Variants in ITIH2 observed in about 807,000 individuals in gnomAD.
The protein encoded by ITIH2 is inter-alpha-trypsin inhibitor heavy chain 2.
In ITIH2, 103 loss-of-function variants were observed where a neutral mutation model predicts 104.4. The observed-to-expected ratio is 0.99, with a 90% CI of 0.84 to 1.16. The LOEUF (loss-of-function observed/expected upper bound fraction) is 1.16. Among genes scored for constraint, ITIH2 ranks in the 50% most tolerant of loss-of-function variants. The probability of loss-of-function intolerance (pLI) is 0.00; values close to 1 mark genes in which losing one functional copy is unlikely to be tolerated. For synonymous variants in ITIH2, 436 were observed against 435.4 expected, an observed-to-expected ratio of 1.00 and a Z score of -0.02; for missense variants, 1,108 against 1,162.4, an observed-to-expected ratio of 0.95 and a Z score of 0.68.
At position 7,717,720 on chromosome 10, in the gene ITIH2, T is replaced by A; in HGVS notation, c.562T>A (p.Trp188Arg). Residue 188 changes from tryptophan to arginine, a missense_variant, in exon 6 of 21, where the codon TGG becomes AGG. Trp to Arg is a moderately radical substitution (Grantham distance 101, BLOSUM62 -3). Coordinates refer to ENST00000358415, the MANE Select transcript of ITIH2 (RefSeq NM_002216.3). Reference protein sequence around the residue: ...QFELHYQEVKWRKLGSYEHRI... With the variant: ...QFELHYQEVKRRKLGSYEHRI... The stretch of plus-strand genomic sequence containing the variant: ...CGAACTTCACTACCAGGAGGTGAAG[T>A]GGAGGAAGCTGGGCTCCTATGAGCA... 1 of 1,613,302 alleles carries A rather than the reference T, an allele frequency of 6.2e-7. No individual in the cohort carries two copies. Among genetic ancestry groups the A allele is most frequent in the Non-Finnish European group, 8.5e-7 (1 of 1,179,968 alleles).
chr10:7,705,700 TAAAAAA>T (rs34935493), intron 2 of ITIH2, among the ~76,000 whole-genome samples: 6 of 131,858 alleles, frequency 4.6e-5, no homozygotes, highest in African/African-American at 1.7e-4. Context: ...CCACTCCATT[TAAAAAA>T]AAAAAAAAAA....
At chr10:7,732,587 T>A in intron 14 of ITIH2, 110 bp downstream of exon 14, 1 of 1,142,026 alleles carries the variant, frequency 8.8e-7, no homozygotes, top group Non-Finnish European at 1.2e-6. Flanking sequence ...GACAGCACAT[T>A]AGCACAGGCT....
rs941350094 is a variant in ITIH2, at chr10:7,748,267, A to T, written c.2694-920A>T. 2.1e-5 allele frequency among the ~76,000 whole-genome samples: 3 copies of T among 146,308 alleles called. No homozygotes were observed. In the Admixed American group the frequency reaches 2.1e-4, roughly 10 times the overall value. ...GTATACATATATATATATATTTACTATAATGACAAAAAGTAAATGCTGGGC... is the reference window on the plus strand; with the variant it reads ...GTATACATATATATATATATTTACTTTAATGACAAAAAGTAAATGCTGGGC... On this transcript the variant is annotated intron_variant, in intron 20 of 20. Coordinates refer to ENST00000358415, the MANE Select transcript of ITIH2 (RefSeq NM_002216.3).
At chr10:7,706,158 G>A (rs1031370404) in intron 2 of ITIH2, among the ~76,000 whole-genome samples, 1 of 152,006 alleles carries the variant, frequency 6.6e-6, no homozygotes, top group Non-Finnish European at 1.5e-5. Context: ...CAATAAGCAA[G>A]ACTTCATGTC....
chr10:7,738,822 T>C (rs17362195), intron 16 of ITIH2, 64 bp downstream of exon 16: 79,205 of 1,495,380 alleles, frequency 0.053, 2,429 homozygotes, highest in Middle Eastern at 0.056. Context: ...GGAAGCATTG[T>C]GTGCATGAGG....
chr10:7,749,481 C>G lies in ITIH2; in HGVS notation c.*147C>G. On this transcript the variant is annotated 3_prime_UTR_variant, in exon 21 of 21. Transcript: ENST00000358415. ...CCAGATATCAGGGTGGTTTATAAAGCCTGTAAACACACCTAAGAAAATAAA... is the reference window on the plus strand; with the variant it reads ...CCAGATATCAGGGTGGTTTATAAAGGCTGTAAACACACCTAAGAAAATAAA... 1 of 609,082 alleles carries G rather than the reference C, an allele frequency of 1.6e-6. No individual in the cohort carries two copies. Among genetic ancestry groups the G allele is most frequent in the Non-Finnish European group, 2.8e-6 (1 of 357,378 alleles). The allele number at this position is 609,082 out of a possible 1,614,324, so 37.7% of individuals were successfully genotyped here. A position where few individuals can be genotyped will look rare whatever the true frequency, so the allele number is the denominator to read the frequency against.
intron 16 of ITIH2, among the ~76,000 whole-genome samples, chr10:7,739,803 T>C (rs1347843429): frequency 6.6e-6 from 1 of 152,162 alleles, no homozygotes; most frequent in Non-Finnish European, 1.5e-5. Context: ...GTGGGAGGTT[T>C]GCCTGAGCCC....
chr10:7,714,861 G>A (rs1175521680), intron 5 of ITIH2, among the ~76,000 whole-genome samples: 4 of 152,278 alleles, frequency 2.6e-5, no homozygotes, highest in Admixed American at 6.5e-5. Context: ...GCTGGCCTTC[G>A]TATTCATGGG....
At chr10:7,708,967 T>C in intron 3 of ITIH2, 55 bp from the exon 4 acceptor site, 1 of 1,448,248 alleles carries the variant, frequency 6.9e-7, no homozygotes, top group Non-Finnish European at 9.7e-7. Flanking sequence ...CTACATTTGA[T>C]GAAGTTCTGT....
chr10:7,746,621 C>T lies in ITIH2; in HGVS notation c.2610C>T (p.His870=), dbSNP rs1282269861. 5.0e-6 allele frequency: 8 copies of T among 1,613,368 alleles called. No homozygotes were observed. The Admixed American group carries it at 6.7e-5, about 13-fold the overall frequency. Residue 870 remains histidine, a synonymous_variant, in exon 20 of 21, where the codon CAC becomes CAT. Coordinates refer to ENST00000358415, the MANE Select transcript of ITIH2 (RefSeq NM_002216.3). The stretch of plus-strand genomic sequence containing the variant: ...AGTTCATGCAGGAACCAAAGATACA[C>T]ATCTTCAATGAGAGACCAGGAAAGG... ...IGQFMQEPKI[H]IFNERPGKDP... is the part of the protein sequence containing the mutation.
chr10:7,707,609 A>C (rs1473625482), intron 3 of ITIH2, among the ~76,000 whole-genome samples: 1 of 152,112 alleles, frequency 6.6e-6, no homozygotes, highest in Admixed American at 6.6e-5. Flanking sequence ...TTTGTTGCCC[A>C]GGCTGGAGTG....
At chr10:7,704,270 G>C (rs1379002892) in intron 1 of ITIH2, among the ~76,000 whole-genome samples, 2 of 152,238 alleles carry the variant, frequency 1.3e-5, no homozygotes, top group Non-Finnish European at 2.9e-5. Context: ...AAAAATGCCA[G>C]AGAATATGAC....
chr10:7,722,627 C>A (rs73621301), intron 8 of ITIH2, among the ~76,000 whole-genome samples: 1 of 152,122 alleles, frequency 6.6e-6, no homozygotes, highest in East Asian at 1.9e-4. Flanking sequence ...TCTGGGGCTG[C>A]GCTGTCTGGA....
At chr10:7,727,493 G>T (rs1053316446) in intron 10 of ITIH2, among the ~76,000 whole-genome samples, 1 of 152,194 alleles carries the variant, frequency 6.6e-6, no homozygotes, top group African/African-American at 2.4e-5. Context: ...CATCTCTAAG[G>T]GGATAGTTTA....
intron 20 of ITIH2, among the ~76,000 whole-genome samples, chr10:7,747,531 T>C (rs1347378641): frequency 6.6e-6 from 1 of 152,154 alleles, no homozygotes; most frequent in African/African-American, 2.4e-5. Flanking sequence ...TGAGCATGTG[T>C]CACAGAAGCA....
chr10:7,744,920 AC>A lies in ITIH2; in HGVS notation c.2543del (p.Pro848LeufsTer12). 6.2e-7 allele frequency: 1 copy of A among 1,614,080 alleles called. No homozygotes were observed. The highest frequency in any genetic ancestry group is 8.5e-7 in the Non-Finnish European group (1 of 1,179,970). On this transcript the variant is annotated frameshift_variant, in exon 19 of 21. Transcript: ENST00000358415. LOFTEE classifies it high-confidence loss of function. ...VNVDFLGIYI[P>X]PTNKFSPKAH... is the part of the protein sequence containing the mutation. ...ATGTTGACTTTCTGGGAATCTACAT[AC>A]CCCCTACAAACAAGTTCTCACCTAA...
rs1233677808 is a variant in ITIH2, at chr10:7,709,151, G to T, written c.322G>T (p.Val108Phe). 10 of 1,614,142 alleles carry T rather than the reference G, an allele frequency of 6.2e-6. No individual in the cohort carries two copies. Among genetic ancestry groups the T allele is most frequent in the Non-Finnish European group, 7.6e-6 (9 of 1,180,026 alleles). Residue 108 changes from valine (V) to phenylalanine (F), a missense_variant, in exon 4 of 21, where the codon GTT becomes TTT. By Grantham distance (50) the Val-to-Phe change is conservative (BLOSUM62 -1). Transcript: ENST00000358415. ...GCAGCCTCAGAATGTCGTGTTTGAT[G>T]TTCAGATCCCCAAAGGAGCATTCAT... is the stretch of plus-strand genomic sequence containing the variant. Reference protein sequence around the residue: ...SPQPQNVVFDVQIPKGAFISN... With the variant: ...SPQPQNVVFDFQIPKGAFISN...
intron 2 of ITIH2, among the ~76,000 whole-genome samples, chr10:7,706,846 A>T (rs149290329): frequency 6.6e-6 from 1 of 152,290 alleles, no homozygotes; most frequent in African/African-American, 2.4e-5. Context: ...GGCCGAATGG[A>T]GGATCAAAGT....
intron 4 of ITIH2, among the ~76,000 whole-genome samples, chr10:7,712,163 G>T (rs1157195663): frequency 6.6e-6 from 1 of 152,200 alleles, no homozygotes; most frequent in African/African-American, 2.4e-5. Flanking sequence ...AAAATGGGTA[G>T]ATTATAAACA....
Sources: gnomAD v4.1 joint callset for allele counts (sites outside exome capture counted in the v4.1 genomes callset) on GRCh38, gnomAD v4.1.1 for gene constraint, MANE v1.5 for transcripts, NCBI Gene and HGNC (gene_info 2026-07-23, HGNC 2026-07-21) for gene names.